CHD9: variants seen among roughly 807,000 people sequenced by gnomAD.
The protein encoded by CHD9 is chromodomain helicase DNA binding protein 9.
Under a neutral mutation model 316.1 loss-of-function variants are expected in CHD9, and 77 were observed. That is an observed-to-expected ratio of 0.24 (90% CI 0.20 to 0.29). The LOEUF (loss-of-function observed/expected upper bound fraction) is 0.29. Among genes scored for constraint, CHD9 ranks in the 10% least tolerant of loss-of-function variants. The pLI is 1.00. For missense variants in CHD9, 2,763 were observed against 3,438.1 expected, an observed-to-expected ratio of 0.80 and a Z score of 4.91; for synonymous variants, 1,129 against 1,158.3, an observed-to-expected ratio of 0.97 and a Z score of 0.51.
At chr16:53,063,826 TGGC>T (rs2033218348) in intron 1 of CHD9, among the ~76,000 whole-genome samples, 1 of 146,538 alleles carries the variant, frequency 6.8e-6, no homozygotes, top group Admixed American at 6.8e-5. Context: ...CCACCATGCC[TGGC>T]CTTTTTTTTT....
intron 1 of CHD9, among the ~76,000 whole-genome samples, chr16:53,086,679 A>C (rs913699450): frequency 2.0e-5 from 3 of 152,340 alleles, no homozygotes; most frequent in Admixed American, 6.5e-5. Context: ...AAAGCACAAA[A>C]TGTTTTTTAT....
At chr16:53,102,236 T>C (rs2036944424) in intron 1 of CHD9, among the ~76,000 whole-genome samples, 6 of 152,174 alleles carry the variant, frequency 3.9e-5, no homozygotes, top group Admixed American at 3.9e-4. Context: ...TTTGGCCCTA[T>C]GTTTCTCTAC....
intron 2 of CHD9, among the ~76,000 whole-genome samples, chr16:53,170,598 TG>T (rs2042637549): frequency 6.6e-6 from 1 of 151,788 alleles, no homozygotes; most frequent in Non-Finnish European, 1.5e-5. Flanking sequence ...TGTGTGTGTG[TG>T]TGTGTGTGTG....
intron 1 of CHD9, among the ~76,000 whole-genome samples, chr16:53,140,431 A>T (rs2040023098): frequency 6.6e-6 from 1 of 152,016 alleles, no homozygotes; most frequent in Non-Finnish European, 1.5e-5. Context: ...AAAAAAAAAA[A>T]AAGAATATTT....
At chr16:53,317,180 AAG>A (rs1194350233) in intron 36 of CHD9, among the ~76,000 whole-genome samples, 7 of 151,376 alleles carry the variant, frequency 4.6e-5, no homozygotes, top group Admixed American at 2.0e-4. Context: ...AAAAAAAAAA[AAG>A]AAAAGAGGAT....
chr16:53,283,058 C>T (rs1374368794), intron 24 of CHD9, among the ~76,000 whole-genome samples: 1 of 151,480 alleles, frequency 6.6e-6, no homozygotes, highest in Non-Finnish European at 1.5e-5. Context: ...TGATTAGTTA[C>T]TCTTCTCTCC....
At position 53,073,884 on chromosome 16, in the gene CHD9, G is replaced by T. The variant is rs1245453088; in HGVS notation, c.-165+18807G>T. Among the ~76,000 whole-genome samples, 5 of 152,300 alleles carry T rather than the reference G, an allele frequency of 3.3e-5. No individual in the cohort carries two copies. In the East Asian group the frequency reaches 9.7e-4, roughly 29 times the overall value. ...AGACTAATACAGTAAATTGGTACCA[G>T]TAGAGTGGGGCGCTGCTGAAAAGAT... is the stretch of plus-strand genomic sequence containing the variant. On this transcript the variant is annotated intron_variant, in intron 1 of 38. Coordinates refer to ENST00000447540, the MANE Select transcript of CHD9 (RefSeq NM_001308319.2).
At chr16:53,296,926 G>T (rs2054864540) in intron 29 of CHD9, 30 bp from the exon 30 acceptor site, 7 of 1,461,610 alleles carry the variant, frequency 4.8e-6, no homozygotes, top group South Asian at 1.2e-5. Flanking sequence ...TGACTAGTGT[G>T]GTTTTTTTCT....
At chr16:53,167,007 C>T (rs2042312177) in intron 2 of CHD9, among the ~76,000 whole-genome samples, 1 of 141,494 alleles carries the variant, frequency 7.1e-6, no homozygotes, top group Non-Finnish European at 1.6e-5. Flanking sequence ...TGCTTGCTGT[C>T]ACATAACTAG....
chr16:53,124,792 C>T (rs948642756), intron 1 of CHD9, among the ~76,000 whole-genome samples: 1 of 152,080 alleles, frequency 6.6e-6, no homozygotes, highest in Non-Finnish European at 1.5e-5. Flanking sequence ...GTGAGACTTA[C>T]TATCACGAGA....
At chr16:53,070,769 G>T (rs949504693) in intron 1 of CHD9, among the ~76,000 whole-genome samples, 1 of 152,112 alleles carries the variant, frequency 6.6e-6, no homozygotes, top group Admixed American at 6.6e-5. Flanking sequence ...GGCCAGGCTG[G>T]TCTCAAACTC....
At chr16:53,299,948 T>C (rs1475397099) in intron 30 of CHD9, among the ~76,000 whole-genome samples, 1 of 152,190 alleles carries the variant, frequency 6.6e-6, no homozygotes, top group Non-Finnish European at 1.5e-5. Flanking sequence ...ACACCAACCT[T>C]TGTTACAAGT....
At chr16:53,170,870 A>C (rs904632300) in intron 2 of CHD9, among the ~76,000 whole-genome samples, 2 of 152,114 alleles carry the variant, frequency 1.3e-5, no homozygotes, top group South Asian at 4.2e-4. Flanking sequence ...TTTTTTGAAC[A>C]CTTATCATAA....
At chr16:53,226,762 C>G (rs1034327977) in intron 5 of CHD9, among the ~76,000 whole-genome samples, 1 of 152,156 alleles carries the variant, frequency 6.6e-6, no homozygotes, top group Non-Finnish European at 1.5e-5. Flanking sequence ...TTCAAACTAT[C>G]TTTTCTGCAG....
chr16:53,209,132 A>G (rs896733950), intron 2 of CHD9, among the ~76,000 whole-genome samples: 1 of 152,174 alleles, frequency 6.6e-6, no homozygotes, highest in Non-Finnish European at 1.5e-5. Flanking sequence ...TTTGGAGGGA[A>G]GAGGAAAGAA....
chr16:53,114,208 G>C (rs2038093944), intron 1 of CHD9, among the ~76,000 whole-genome samples: 1 of 152,054 alleles, frequency 6.6e-6, no homozygotes, highest in South Asian at 2.1e-4. Flanking sequence ...CTTCCATGAA[G>C]AGGATGGAAT....
intron 1 of CHD9, among the ~76,000 whole-genome samples, chr16:53,109,455 C>T (rs1311104032): frequency 3.3e-5 from 5 of 152,050 alleles, no homozygotes; most frequent in Non-Finnish European, 4.4e-5. Flanking sequence ...ACCTCAGCCT[C>T]CCATATAGCT....
intron 1 of CHD9, among the ~76,000 whole-genome samples, chr16:53,127,622 G>A (rs1470193810): frequency 6.6e-6 from 1 of 152,024 alleles, no homozygotes; most frequent in Admixed American, 6.6e-5. Context: ...AATGGGGGCG[G>A]GGGGGAATCC....
chr16:53,094,442 G>T (rs952804730), intron 1 of CHD9, among the ~76,000 whole-genome samples: 12 of 152,128 alleles, frequency 7.9e-5, no homozygotes, highest in African/African-American at 2.9e-4. Flanking sequence ...TCCCAGCCCC[G>T]TCACAGTGAA....
Sources: allele counts gnomAD v4.1 joint callset (sites outside exome capture counted in the v4.1 genomes callset), GRCh38; gene constraint gnomAD v4.1.1; transcripts MANE v1.5; gene names NCBI Gene and HGNC (gene_info 2026-07-23, HGNC 2026-07-21).